The following TTC7B variants were observed in gnomAD, a reference collection of about 807,000 sequenced individuals.
The protein encoded by TTC7B is tetratricopeptide repeat domain 7B.
A neutral mutation model predicts 106.8 loss-of-function variants in TTC7B; 28 were observed. That is an observed-to-expected ratio of 0.26 (90% CI 0.19 to 0.36). The LOEUF (loss-of-function observed/expected upper bound fraction) is 0.36. TTC7B is among the 10% of genes least tolerant of loss of function. TTC7B has a pLI of 1.00. For missense variants in TTC7B, 862 were observed against 1,076.4 expected, an observed-to-expected ratio of 0.80 and a Z score of 2.79; for synonymous variants, 405 against 430.6, an observed-to-expected ratio of 0.94 and a Z score of 0.74.
rs1892735542 is a variant in TTC7B at position 90,608,397 on chromosome 14, G to A, written c.1966+2345C>T. On this transcript the variant is annotated intron_variant, in intron 17 of 19. Coordinates refer to ENST00000328459, the MANE Select transcript of TTC7B (RefSeq NM_001010854.2). The surrounding 1 kb of genome is among the most constrained non-coding windows in gnomAD (Gnocchi z 5.1). ...GCTGCCTGGTTGGGTCGGGGGTGGT[G>A]TAGGGCTGGTGGCAGGAGTCTCAGA... Among the ~76,000 whole-genome samples, 1 of 152,194 alleles carries A rather than the reference G, an allele frequency of 6.6e-6. No homozygotes were observed. The highest frequency in any genetic ancestry group is 6.5e-5 in the Admixed American group (1 of 15,282).
At chr14:90,674,895 A>G (rs1397569893) in intron 9 of TTC7B, among the ~76,000 whole-genome samples, 1 of 152,208 alleles carries the variant, frequency 6.6e-6, no homozygotes, top group East Asian at 1.9e-4. Flanking sequence ...AGGTTCCCGC[A>G]ACTACACTAC....
chr14:90,713,452 T>A (rs1355528664), intron 5 of TTC7B, among the ~76,000 whole-genome samples: 1 of 152,214 alleles, frequency 6.6e-6, no homozygotes, highest in Non-Finnish European at 1.5e-5. Context: ...TGCTGAACTT[T>A]GTTAATCATT....
intron 19 of TTC7B, among the ~76,000 whole-genome samples, chr14:90,554,501 C>T (rs750949132): frequency 6.6e-5 from 10 of 152,206 alleles, no homozygotes; most frequent in Non-Finnish European, 1.2e-4. Flanking sequence ...TACAAACACT[C>T]GTTGAGCGCC....
At chr14:90,755,858 C>T (rs772380873) in intron 3 of TTC7B, among the ~76,000 whole-genome samples, 4 of 152,198 alleles carry the variant, frequency 2.6e-5, no homozygotes, top group African/African-American at 7.2e-5. Context: ...TTAGAAGGCT[C>T]GGCCCAGTGC....
rs936064831 is a variant in TTC7B, at chr14:90,624,100, ATGTGTG to A, written c.1752-6061_1752-6056del. Among the ~76,000 whole-genome samples, 1 of 152,124 alleles carries A rather than the reference ATGTGTG, an allele frequency of 6.6e-6. No homozygotes were observed. Among genetic ancestry groups the A allele is most frequent in the Non-Finnish European group, 1.5e-5 (1 of 68,020 alleles). Reference sequence around the variant, plus strand: ...TATGCGTGTGCGTGTATATGTGTGCATGTGTGTGTGCGCGTGCGCGTGTGTGTGTTT... The same window carrying A: ...TATGCGTGTGCGTGTATATGTGTGCATGTGCGCGTGCGCGTGTGTGTGTTT... On this transcript the variant is annotated intron_variant, in intron 15 of 19. Coordinates refer to ENST00000328459, the MANE Select transcript of TTC7B (RefSeq NM_001010854.2). The surrounding 1 kb of genome is among the most constrained non-coding windows in gnomAD (Gnocchi z 4.0).
intron 7 of TTC7B, among the ~76,000 whole-genome samples, chr14:90,688,814 A>G (rs1887352946): frequency 1.3e-5 from 2 of 151,702 alleles, no homozygotes; most frequent in South Asian, 4.2e-4. Context: ...AATAAAAAAT[A>G]AAAAAAATTT....
At chr14:90,542,399 C>T (rs1292347616) in intron 19 of TTC7B, among the ~76,000 whole-genome samples, 1 of 152,166 alleles carries the variant, frequency 6.6e-6, no homozygotes, top group East Asian at 1.9e-4. Flanking sequence ...TCTTCGTTTT[C>T]CTTGGTTGGG....
chr14:90,629,760 G>A (rs1397489861), intron 15 of TTC7B, among the ~76,000 whole-genome samples: 4 of 152,186 alleles, frequency 2.6e-5, no homozygotes, highest in Admixed American at 2.6e-4. Flanking sequence ...CTTTGGTGTG[G>A]GCCTCACCAT....
chr14:90,647,628 G>A (rs1344203834), intron 13 of TTC7B, among the ~76,000 whole-genome samples: 25 of 152,198 alleles, frequency 1.6e-4, no homozygotes, highest in Admixed American at 1.6e-3. Flanking sequence ...GTGTAAGAGT[G>A]TGGTGAGACA....
intron 5 of TTC7B, among the ~76,000 whole-genome samples, chr14:90,703,088 G>T (rs1252909416): frequency 3.9e-5 from 6 of 152,202 alleles, no homozygotes; most frequent in Admixed American, 1.3e-4. Flanking sequence ...ACTTCCACTG[G>T]GGAAGTGTCT....
At chr14:90,756,901 G>A (rs1890321923) in intron 3 of TTC7B, among the ~76,000 whole-genome samples, 2 of 152,038 alleles carry the variant, frequency 1.3e-5, no homozygotes, top group Admixed American at 1.3e-4. Context: ...ATGAATATGG[G>A]TCAGTGGCAA....
At chr14:90,743,332 T>C (rs753996595) in intron 4 of TTC7B, among the ~76,000 whole-genome samples, 17 of 152,314 alleles carry the variant, frequency 1.1e-4, no homozygotes, top group Admixed American at 2.0e-4. Flanking sequence ...TTCTGATGCA[T>C]ATCATATGCA....
At chr14:90,733,227 G>A (rs776869366) in intron 4 of TTC7B, among the ~76,000 whole-genome samples, 6 of 152,036 alleles carry the variant, frequency 3.9e-5, no homozygotes, top group African/African-American at 7.2e-5. Flanking sequence ...AAAACCCACC[G>A]AGATACACAC....
At chr14:90,636,573 T>C (rs552924915) in intron 15 of TTC7B, among the ~76,000 whole-genome samples, 3 of 151,372 alleles carry the variant, frequency 2.0e-5, no homozygotes, top group Non-Finnish European at 4.4e-5. Flanking sequence ...TAATAAAACA[T>C]ATAAAAATTT....
At chr14:90,778,823 T>C (rs1891118267) in intron 3 of TTC7B, among the ~76,000 whole-genome samples, 1 of 152,184 alleles carries the variant, frequency 6.6e-6, no homozygotes, top group Admixed American at 6.5e-5. Context: ...TGGGGACGTT[T>C]AGAAGATTAA....
chr14:90,813,701 T>G (rs961917629), intron 1 of TTC7B, among the ~76,000 whole-genome samples: 1 of 151,518 alleles, frequency 6.6e-6, no homozygotes, highest in African/African-American at 2.4e-5. Flanking sequence ...CTGTGGTTGT[T>G]TTCATGGTAA....
chr14:90,756,822 T>C (rs551374802), intron 3 of TTC7B, among the ~76,000 whole-genome samples: 2 of 142,460 alleles, frequency 1.4e-5, no homozygotes, highest in East Asian at 4.1e-4. Context: ...TCCTCTGGAC[T>C]CTCTAAGTCC....
intron 3 of TTC7B, among the ~76,000 whole-genome samples, chr14:90,761,454 A>G (rs1481938118): frequency 6.6e-6 from 1 of 152,174 alleles, no homozygotes; most frequent in Non-Finnish European, 1.5e-5. Context: ...CCACACCCCT[A>G]TGATTGCATC....
intron 5 of TTC7B, among the ~76,000 whole-genome samples, chr14:90,700,035 G>A (rs915726047): frequency 2.0e-5 from 3 of 151,858 alleles, no homozygotes; most frequent in Admixed American, 2.0e-4. Context: ...GACAATGAGG[G>A]GATACATTTC....
Sources: gnomAD v4.1 joint callset for allele counts (sites outside exome capture counted in the v4.1 genomes callset) on GRCh38, gnomAD v4.1.1 for gene constraint, Gnocchi (gnomAD v3.1) non-coding constraint, MANE v1.5 for transcripts, NCBI Gene and HGNC (gene_info 2026-07-23, HGNC 2026-07-21) for gene names.